Variants in LY9 observed in about 807,000 individuals in gnomAD.
LY9 encodes lymphocyte antigen 9.
Under a neutral mutation model 64.6 loss-of-function variants are expected in LY9, and 59 were observed. The observed-to-expected ratio is 0.91, with a 90% CI of 0.74 to 1.13. The LOEUF (loss-of-function observed/expected upper bound fraction) is 1.13, where lower values mean the gene tolerates loss of function less well. Ranked by LOEUF, LY9 falls within the 50% of genes most tolerant of loss-of-function variation. The pLI is 0.00. For missense variants in LY9, 789 were observed against 797.2 expected (o/e 0.99, Z 0.12); for synonymous variants, 281 against 308.5 (o/e 0.91, Z 0.93).
rs764590674 is a variant in LY9, at chr1:160,814,775, C to G, written c.1072+14C>G. 1.3e-6 allele frequency: 2 copies of G among 1,598,058 alleles called. No individual in the cohort carries two copies. The highest frequency in any genetic ancestry group is 3.4e-5 in the Admixed American group (2 of 58,068). On this transcript the variant is annotated intron_variant, in intron 4 of 9. Transcript: ENST00000263285. ...TGCTCATCTACCGTGAGTCTCTGGGCAGGGCACCCATCACCAGATTCCTTC... is the reference window on the plus strand; with the variant it reads ...TGCTCATCTACCGTGAGTCTCTGGGGAGGGCACCCATCACCAGATTCCTTC...
chr1:160,798,375 T>C (rs1406891676), intron 1 of LY9, among the ~76,000 whole-genome samples: 1 of 152,118 alleles, frequency 6.6e-6, no homozygotes, highest in Non-Finnish European at 1.5e-5. Flanking sequence ...TTCTCTAAAT[T>C]TCAGCTCCTC....
chr1:160,816,568 C>A, intron 4 of LY9, 26 bp from the exon 5 acceptor site: 1 of 1,563,668 alleles, frequency 6.4e-7, no homozygotes, highest in Non-Finnish European at 8.7e-7. Context: ...CCTGATTCCA[C>A]ATGGAGTCTG....
chr1:160,823,934 T>C, intron 8 of LY9, 138 bp downstream of exon 8: 1 of 782,816 alleles, frequency 1.3e-6, no homozygotes, highest in Admixed American at 2.6e-5. Context: ...GACTCATGGC[T>C]GTGTCCATGT....
chr1:160,804,345 A>C (rs551386247), intron 2 of LY9, among the ~76,000 whole-genome samples: 6 of 152,310 alleles, frequency 3.9e-5, no homozygotes, highest in African/African-American at 1.4e-4. Flanking sequence ...CATTGAGATG[A>C]TCATATGGTT....
chr1:160,818,464 G>C, intron 6 of LY9, 145 bp downstream of exon 6: 1 of 599,052 alleles, frequency 1.7e-6, no homozygotes, highest in Non-Finnish European at 3.0e-6. Context: ...AGGGGTGTCA[G>C]TTGGGACTCT....
chr1:160,824,046 C>T, intron 8 of LY9, 135 bp from the exon 9 acceptor site: 2 of 1,063,790 alleles, frequency 1.9e-6, no homozygotes, highest in East Asian at 2.4e-5. Context: ...GCACCGTCCC[C>T]ACTGCACTAA....
intron 2 of LY9, among the ~76,000 whole-genome samples, chr1:160,805,398 A>G (rs926110158): frequency 1.3e-5 from 2 of 151,526 alleles, no homozygotes; most frequent in Admixed American, 6.6e-5. Flanking sequence ...ATGTATTTGT[A>G]TCATTTCCAA....
chr1:160,811,342 G>T (rs1244484049), intron 2 of LY9: 1 of 152,180 alleles, frequency 6.6e-6, no homozygotes, highest in Admixed American at 6.5e-5. Context: ...CTGCTGAGGT[G>T]GTCAAATCTC....
At chr1:160,823,142 G>A (rs1668605352) in intron 7 of LY9, among the ~76,000 whole-genome samples, 1 of 152,160 alleles carries the variant, frequency 6.6e-6, no homozygotes, top group Non-Finnish European at 1.5e-5. Flanking sequence ...GCTCCTCCAG[G>A]GCCAGGTCTA....
At chr1:160,821,830 G>A (rs1668474039) in intron 7 of LY9, among the ~76,000 whole-genome samples, 1 of 152,168 alleles carries the variant, frequency 6.6e-6, no homozygotes. Flanking sequence ...GCCGGGAGGG[G>A]GCAGGATTGA....
chr1:160,825,207 T>TAA lies in LY9; in HGVS notation c.1899+972_1899+973dup, dbSNP rs60088243. On this transcript the variant is annotated intron_variant, in intron 9 of 9. Coordinates refer to ENST00000263285, the MANE Select transcript of LY9 (RefSeq NM_002348.4). Reference sequence around the variant, plus strand: ...TGGGTGACAGAGTGAGACCATGTCTTAAAAAAAAAAAAAAATCCCTTACAG... The same window carrying TAA: ...TGGGTGACAGAGTGAGACCATGTCTTAAAAAAAAAAAAAAAAATCCCTTACAG... Among the ~76,000 whole-genome samples the TAA allele has an allele frequency of 1.9e-3, 270 of 138,766 alleles. 1 individual carries two copies. The highest frequency in any genetic ancestry group is 6.8e-3 in the African/African-American group (258 of 37,900). The allele number at this position is 138,766 out of a possible 152,430, so 91.0% of individuals were successfully genotyped here.
intron 1 of LY9, among the ~76,000 whole-genome samples, chr1:160,797,862 TACACACACACAC>T (rs57306367): frequency 6.6e-6 from 1 of 150,618 alleles, no homozygotes; most frequent in Non-Finnish European, 1.5e-5. Context: ...AGATGATCTA[TACACACACACAC>T]ACACACACAC....
chr1:160,808,002 C>T (rs1159759966), intron 2 of LY9, among the ~76,000 whole-genome samples: 1 of 152,150 alleles, frequency 6.6e-6, no homozygotes, highest in Non-Finnish European at 1.5e-5. Context: ...TAGCCGCCAC[C>T]GTGAGGCCCT....
At chr1:160,819,761 A>G (rs520316) in intron 7 of LY9, among the ~76,000 whole-genome samples, 44,093 of 143,948 alleles carry the variant, frequency 0.31, 6,972 homozygotes, top group South Asian at 0.42. Context: ...ACTGCACTAC[A>G]GTCTGGGCAA....
chr1:160,812,470 A>G (rs1222156407), intron 2 of LY9: 1 of 152,170 alleles, frequency 6.6e-6, no homozygotes, highest in Non-Finnish European at 1.5e-5. Flanking sequence ...GGTATTCTGT[A>G]TCTATTAAGG....
At position 160,814,634 on chromosome 1, in the gene LY9, C is replaced by T. The variant is rs1667796226; in HGVS notation, c.945C>T (p.Val315=). The change falls in exon 4 of 10, where the codon GTC becomes GTT. Residue 315 remains valine, a synonymous_variant. Transcript: ENST00000263285. ...ATCCTTACAAGAACAGGGTGTGGGTCTCCAGCCAGGACTGCTCCCTGAAGA... is the reference window on the plus strand; with the variant it reads ...ATCCTTACAAGAACAGGGTGTGGGTTTCCAGCCAGGACTGCTCCCTGAAGA... ...SRDPYKNRVW[V]SSQDCSLKIS... is the part of the protein sequence containing the mutation. 6.2e-7 allele frequency: 1 copy of T among 1,614,196 alleles called. No homozygotes were observed.
intron 5 of LY9, among the ~76,000 whole-genome samples, chr1:160,817,526 A>T (rs1668052398): frequency 6.6e-6 from 1 of 152,246 alleles, no homozygotes. Flanking sequence ...GATGTGGACC[A>T]CACAGGAACA....
chr1:160,821,475 A>G (rs137912214), intron 7 of LY9, among the ~76,000 whole-genome samples: 21 of 152,316 alleles, frequency 1.4e-4, no homozygotes, highest in African/African-American at 5.1e-4. Context: ...CATTCTACAC[A>G]TTTGTTTAAC....
rs763617259 is a variant in LY9, at chr1:160,814,685, C to T, written c.996C>T (p.Ala332=). The T allele has an allele frequency of 6.8e-6, 11 of 1,614,060 alleles. No homozygotes were observed. In the African/African-American group the frequency reaches 9.3e-5, roughly 14 times the overall value. Residue 332 remains alanine, a synonymous_variant, in exon 4 of 10, where the codon GCC becomes GCT. Coordinates refer to ENST00000263285, the MANE Select transcript of LY9 (RefSeq NM_002348.4). ...LKISQLKIED[A]GPYHAYVCSE... ...TCAGCCAGCTGAAGATAGAGGACGC[C>T]GGCCCCTACCATGCCTACGTGTGCT... is the stretch of plus-strand genomic sequence containing the variant.
Sources: allele counts gnomAD v4.1 joint callset (sites outside exome capture counted in the v4.1 genomes callset), GRCh38; gene constraint gnomAD v4.1.1; transcripts MANE v1.5; gene names NCBI Gene and HGNC (gene_info 2026-07-23, HGNC 2026-07-21).